Variants in CADM2 observed in about 807,000 individuals in gnomAD.
CADM2 encodes cell adhesion molecule 2, also known as immunoglobulin superfamily member 4D.
CADM2 carries 12 observed loss-of-function variants against 49.8 expected under a neutral mutation model. That is an observed-to-expected ratio of 0.24 (90% CI 0.15 to 0.39). The LOEUF (loss-of-function observed/expected upper bound fraction) is 0.39, where lower values mean the gene tolerates loss of function less well. CADM2 is among the 10% of genes least tolerant of loss of function. The probability of loss-of-function intolerance (pLI) is 1.00; values close to 1 mark genes in which losing one functional copy is unlikely to be tolerated. For synonymous variants in CADM2, 214 were observed against 175.4 expected (o/e 1.22, Z -1.74); for missense variants, 378 against 492.3 (o/e 0.77, Z 2.20).
chr3:85,601,267 A>C (rs78403398), intron 1 of CADM2, among the ~76,000 whole-genome samples: 5,485 of 149,128 alleles, frequency 0.037, 342 homozygotes, highest in African/African-American at 0.13. Flanking sequence ...GAATATTTGG[A>C]AATATTATTT....
chr3:85,102,950 C>A (rs888168289), intron 1 of CADM2, among the ~76,000 whole-genome samples: 10 of 152,082 alleles, frequency 6.6e-5, no homozygotes, highest in African/African-American at 9.7e-5. Context: ...ACCTAAGACA[C>A]ATTTTTGAAT....
At chr3:85,189,058 AAATAAAAT>A (rs2041137824) in intron 1 of CADM2, among the ~76,000 whole-genome samples, 3 of 113,354 alleles carry the variant, frequency 2.6e-5, no homozygotes, top group Admixed American at 1.1e-4. Flanking sequence ...AATAATAAAT[AAATAAAAT>A]AAATAAATAA....
Position 85,371,000 on chromosome 3 carries a change from T to TA in CADM2, c.62-355516dup, listed in dbSNP as rs1553714708. ...TAAGCTTACAGAATAAGAATTTTTTTAAAAAAGTTTTGTATTTTATACAGG... is the reference window on the plus strand; with the variant it reads ...TAAGCTTACAGAATAAGAATTTTTTTAAAAAAAGTTTTGTATTTTATACAGG... On this transcript the variant is annotated intron_variant, in intron 1 of 9. Transcript: ENST00000383699. Among the ~76,000 whole-genome samples, 205 of 152,136 alleles carry TA rather than the reference T, an allele frequency of 1.3e-3. 1 individual carries two copies. The highest frequency in any genetic ancestry group is 4.5e-3 in the African/African-American group (185 of 41,532).
At chr3:86,010,633 A>G (rs1256504706) in intron 8 of CADM2, among the ~76,000 whole-genome samples, 1 of 151,298 alleles carries the variant, frequency 6.6e-6, no homozygotes, top group Non-Finnish European at 1.5e-5. Flanking sequence ...ACTGGTGCAA[A>G]TAAATATTGA....
chr3:85,878,870 G>T (rs2108376981), intron 3 of CADM2, among the ~76,000 whole-genome samples: 1 of 152,136 alleles, frequency 6.6e-6, no homozygotes, highest in Non-Finnish European at 1.5e-5. Flanking sequence ...CTGTGTCAGT[G>T]GAACCTGTGT....
At chr3:85,880,655 T>C (rs540168316) in intron 3 of CADM2, among the ~76,000 whole-genome samples, 100 of 152,318 alleles carry the variant, frequency 6.6e-4, no homozygotes, top group Non-Finnish European at 2.9e-4. Flanking sequence ...GGAAATGCAT[T>C]GTCATTTGAA....
chr3:85,840,649 C>T (rs2074601754), intron 3 of CADM2, among the ~76,000 whole-genome samples: 1 of 151,726 alleles, frequency 6.6e-6, no homozygotes, highest in African/African-American at 2.4e-5. Context: ...ATCCATTGTT[C>T]ATTTTGTGTT....
In CADM2 at chr3:85,421,220, C is replaced by T. The variant is rs558523871; in HGVS notation, c.62-305302C>T. ...TACTTCCTGGAGGTCTGCCTGCTTT[C>T]AGTACATTCTTTGTTATTATATACC... On this transcript the variant is annotated intron_variant, in intron 1 of 9. Transcript: ENST00000383699. 1.4e-3 allele frequency among the ~76,000 whole-genome samples: 216 copies of T among 152,208 alleles called. 1 individual carries two copies. The highest frequency in any genetic ancestry group is 4.8e-3 in the African/African-American group (201 of 41,538).
rs114377469 is a variant in CADM2, at chr3:85,172,463, A to T, written c.61+212795A>T. Among the ~76,000 whole-genome samples, 290 of 152,306 alleles carry T rather than the reference A, an allele frequency of 1.9e-3. 2 individuals are homozygous for T. Among genetic ancestry groups the T allele is most frequent in the African/African-American group, 6.7e-3 (278 of 41,552 alleles). ...TTATTATTCTAATCAAATGCATATT[A>T]TTTGTAGAATTTCAAGAGTAGTAAT... On this transcript the variant is annotated intron_variant, in intron 1 of 9. Transcript: ENST00000383699.
At chr3:85,561,103 A>G (rs2062083753) in intron 1 of CADM2, among the ~76,000 whole-genome samples, 1 of 152,220 alleles carries the variant, frequency 6.6e-6, no homozygotes, top group Non-Finnish European at 1.5e-5. Flanking sequence ...AATGACTGCT[A>G]ACACACTGAT....
chr3:85,438,435 A>G (rs750749051), intron 1 of CADM2, among the ~76,000 whole-genome samples: 3 of 152,038 alleles, frequency 2.0e-5, no homozygotes, highest in Admixed American at 6.6e-5. Flanking sequence ...TTCTTTGGCA[A>G]TAGTCTTAAC....
chr3:85,818,921 A>T (rs965115058), intron 3 of CADM2, among the ~76,000 whole-genome samples: 24 of 151,896 alleles, frequency 1.6e-4, no homozygotes, highest in African/African-American at 5.8e-4. Context: ...AAGGGAGTTT[A>T]TGAAGGAGAA....
chr3:85,787,852 G>A (rs1439863260), intron 2 of CADM2, among the ~76,000 whole-genome samples: 4 of 151,972 alleles, frequency 2.6e-5, no homozygotes, highest in African/African-American at 9.7e-5. Context: ...CTCATCTTGG[G>A]CTATACCATT....
chr3:85,885,189 A>G (rs1713410328), intron 4 of CADM2, among the ~76,000 whole-genome samples: 1 of 152,034 alleles, frequency 6.6e-6, no homozygotes, highest in Non-Finnish European at 1.5e-5. Context: ...GTAAATTGTA[A>G]ATTATATTAA....
chr3:85,071,413 C>A (rs2036738908), intron 1 of CADM2, among the ~76,000 whole-genome samples: 1 of 151,860 alleles, frequency 6.6e-6, no homozygotes, highest in South Asian at 2.1e-4. Context: ...AACTAAATTC[C>A]TTTTACAGTC....
chr3:85,455,843 G>A (rs2037966345), intron 1 of CADM2, among the ~76,000 whole-genome samples: 1 of 152,220 alleles, frequency 6.6e-6, no homozygotes, highest in Non-Finnish European at 1.5e-5. Context: ...GTATGAGTGT[G>A]TTCGTGTGTG....
At chr3:85,207,737 G>A (rs1190495200) in intron 1 of CADM2, among the ~76,000 whole-genome samples, 1 of 152,110 alleles carries the variant, frequency 6.6e-6, no homozygotes, top group East Asian at 1.9e-4. Flanking sequence ...TTTAAAATAA[G>A]AAAACCAACT....
intron 7 of CADM2, among the ~76,000 whole-genome samples, chr3:85,941,969 A>G (rs1721965670): frequency 6.6e-6 from 1 of 152,086 alleles, no homozygotes; most frequent in African/African-American, 2.4e-5. Context: ...TAATCGTTTC[A>G]ATTTTTTAGG....
chr3:85,212,812 C>CTATTTCTTTCTTTCTTTCTT (rs1275410284), intron 1 of CADM2, among the ~76,000 whole-genome samples: 1 of 102,542 alleles, frequency 9.8e-6, no homozygotes, highest in African/African-American at 3.7e-5. Context: ...TCTTTTTCTT[C>CTATTTCTTTCTTTCTTTCTT]TCTTTCTTTC....
Sources: allele counts gnomAD v4.1 joint callset (sites outside exome capture counted in the v4.1 genomes callset), GRCh38; gene constraint gnomAD v4.1.1; transcripts MANE v1.5; gene names NCBI Gene and HGNC (gene_info 2026-07-23, HGNC 2026-07-21).